CKAP2L: variants seen among roughly 807,000 people sequenced by gnomAD.
CKAP2L encodes the protein cytoskeleton associated protein 2L.
A neutral mutation model predicts 65.7 loss-of-function variants in CKAP2L; 42 were observed. That is an observed-to-expected ratio of 0.64 (90% CI 0.50 to 0.83). The LOEUF is 0.83. Among genes scored for constraint, CKAP2L ranks in the 40% least tolerant of loss-of-function variants. The pLI is 0.00. For missense variants in CKAP2L, 908 were observed against 871.0 expected (o/e 1.04, Z -0.53); for synonymous variants, 325 against 313.5 (o/e 1.04, Z -0.39).
intron 3 of CKAP2L, among the ~76,000 whole-genome samples, chr2:112,759,109 A>T (rs891730796): frequency 1.3e-5 from 2 of 152,210 alleles, no homozygotes; most frequent in African/African-American, 4.8e-5. Context: ...TAACTTTTTT[A>T]GAGCAGGTTT....
Position 112,756,080 on chromosome 2 carries a change from A to C in CKAP2L, c.1291T>G (p.Phe431Val), listed in dbSNP as rs2104882889. 1.2e-6 allele frequency: 2 copies of C among 1,614,138 alleles called. No individual in the cohort carries two copies. The highest frequency in any genetic ancestry group is 1.6e-4 in the Middle Eastern group (1 of 6,062). Residue 431 changes from phenylalanine to valine, a missense_variant, in exon 4 of 9, where the codon TTT (phenylalanine) becomes GTT (valine). Phe to Val is a conservative substitution (Grantham distance 50). Transcript: ENST00000302450. ...KLKKAVPQNH[F>V]LNKTAPKTQA... is the part of the protein sequence containing the mutation. ...GTTTTGGGAGCTGTCTTGTTCAGAA[A>C]ATGGTTCTGGGGAACAGCCTTTTTC...
intron 5 of CKAP2L, among the ~76,000 whole-genome samples, chr2:112,750,705 G>C (rs1032932034): frequency 2.6e-5 from 4 of 151,514 alleles, no homozygotes. Context: ...GATCCTGACT[G>C]ATAAAGAGTA....
In CKAP2L at chr2:112,756,831, T is replaced by C. The variant is rs1377348163; in HGVS notation, c.540A>G (p.Leu180=). Residue 180 remains leucine, a synonymous_variant, in exon 4 of 9, where the codon CTA becomes CTG. Coordinates refer to ENST00000302450, the MANE Select transcript of CKAP2L (RefSeq NM_152515.5). Reference sequence around the variant, plus strand: ...GCAAGTTCTCTTTGTTTGTTTCTTTTAGAAAGTTATCCAAAGATTCGTTTT... The same window carrying C: ...GCAAGTTCTCTTTGTTTGTTTCTTTCAGAAAGTTATCCAAAGATTCGTTTT... The part of the protein sequence containing the change: ...HVENESLDNF[L]KETNKENLLD... 6.2e-7 allele frequency: 1 copy of C among 1,601,974 alleles called. No homozygotes were observed. The highest frequency in any genetic ancestry group is 2.2e-5 in the East Asian group (1 of 44,838).
chr2:112,759,753 C>T (rs1387852197), intron 3 of CKAP2L, among the ~76,000 whole-genome samples: 3 of 152,108 alleles, frequency 2.0e-5, no homozygotes, highest in Non-Finnish European at 4.4e-5. Context: ...ATACATACAA[C>T]ATATATATGT....
rs776441081 is a variant in CKAP2L at position 112,756,551 on chromosome 2, G to A, written c.820C>T (p.Pro274Ser). The A allele has an allele frequency of 1.9e-6, 3 of 1,611,480 alleles. No individual in the cohort carries two copies. In the South Asian group the frequency reaches 3.3e-5, roughly 18 times the overall value. Reference sequence around the variant, plus strand: ...AAGTGAGAGGGAACCGTCCTTGAGGGTTTTACTCCTGGTCTTGCAAGATCT... The same window carrying A: ...AAGTGAGAGGGAACCGTCCTTGAGGATTTTACTCCTGGTCTTGCAAGATCT... ...GADLARPGVK[P>S]SRTVPSHFIR... The change falls in exon 4 of 9, where the codon CCC becomes TCC. Residue 274 changes from proline to serine, a missense_variant. Physicochemically the swap from Pro to Ser is moderately conservative, Grantham distance 74. Transcript: ENST00000302450.
At position 112,757,147 on chromosome 2, in the gene CKAP2L, C is replaced by T. The variant is rs1374216807; in HGVS notation, c.224G>A (p.Ser75Asn). 1 of 1,613,942 alleles carries T rather than the reference C, an allele frequency of 6.2e-7. No individual in the cohort carries two copies. Among genetic ancestry groups the T allele is most frequent in the East Asian group, 2.2e-5 (1 of 44,880 alleles). The change falls in exon 4 of 9, where the codon AGC becomes AAC. Residue 75 changes from serine (S) to asparagine (N), a missense_variant. Physicochemically the swap from Ser to Asn is conservative, Grantham distance 46 (BLOSUM62 1). Coordinates refer to ENST00000302450, the MANE Select transcript of CKAP2L (RefSeq NM_152515.5). ...VLPVKPKRSISIKLQPRPPNT... is the reference protein window; with the variant it reads ...VLPVKPKRSINIKLQPRPPNT... ...AGGTGGTCTGGGCTGGAGTTTAATG[C>T]TGATGGACCTTTTAGGTTTGACAGG... is the stretch of plus-strand genomic sequence containing the variant.
At chr2:112,740,612 G>A (rs1403010723) in intron 8 of CKAP2L, among the ~76,000 whole-genome samples, 1 of 152,110 alleles carries the variant, frequency 6.6e-6, no homozygotes, top group East Asian at 1.9e-4. Flanking sequence ...AGGCAGATAG[G>A]ATCTGCAAGT....
At chr2:112,757,339 G>A in intron 3 of CKAP2L, 125 bp from the exon 4 acceptor site, 1 of 590,182 alleles carries the variant, frequency 1.7e-6, no homozygotes, top group South Asian at 2.6e-5. Flanking sequence ...TAAGAAAGTT[G>A]AATCCTCAGA....
chr2:112,743,393 C>T (rs7609207), intron 6 of CKAP2L, among the ~76,000 whole-genome samples: 2,203 of 152,204 alleles, frequency 0.014, 49 homozygotes, highest in African/African-American at 0.05. Flanking sequence ...CCACCCGCCT[C>T]GGCCTCCCAA....
In CKAP2L at chr2:112,738,052, C is replaced by G. The variant is rs1242702579; in HGVS notation, c.*771G>C. The G allele has an allele frequency of 6.6e-6, 1 of 152,166 alleles. No individual in the cohort carries two copies. The highest frequency in any genetic ancestry group is 1.5e-5 in the Non-Finnish European group (1 of 68,044). The allele number at this position is 152,166 out of a possible 1,614,324, so 9.4% of individuals were successfully genotyped here. ...AACCTACAACAGTCTCTGGGGCTTG[C>G]ACTGCCTTCTCAGGCCAGCTATACC... On this transcript the variant is annotated 3_prime_UTR_variant, in exon 9 of 9. Transcript: ENST00000302450.
intron 5 of CKAP2L, among the ~76,000 whole-genome samples, chr2:112,748,969 GTAT>G (rs991204295): frequency 2.6e-5 from 4 of 151,856 alleles, no homozygotes; most frequent in African/African-American, 9.7e-5. Context: ...TCATTTCAGT[GTAT>G]TATTTTATGA....
At position 112,742,507 on chromosome 2, in the gene CKAP2L, T is replaced by G. The variant is rs1370229217; in HGVS notation, c.1822+199A>C. ...GCTGTTTTGGTGGAAACAACCTTTG[T>G]TCAGTATTGAGTAGTGCATTTACTT... is the stretch of plus-strand genomic sequence containing the variant. On this transcript the variant is annotated intron_variant, in intron 7 of 8. Coordinates refer to ENST00000302450, the MANE Select transcript of CKAP2L (RefSeq NM_152515.5). The G allele has an allele frequency of 1.8e-5, 13 of 718,814 alleles. No individual in the cohort carries two copies. In the South Asian group the frequency reaches 1.9e-4, roughly 11 times the overall value. The allele number at this position is 718,814 out of a possible 1,614,324, so 44.5% of individuals were successfully genotyped here.
At position 112,756,610 on chromosome 2, in the gene CKAP2L, A is replaced by G. The variant is rs1330520491; in HGVS notation, c.761T>C (p.Phe254Ser). Residue 254 changes from phenylalanine (F) to serine (S), a missense_variant, in exon 4 of 9, where the codon TTC becomes TCC. Phe to Ser is a radical substitution (Grantham distance 155). Coordinates refer to ENST00000302450, the MANE Select transcript of CKAP2L (RefSeq NM_152515.5). ...AGAGAGTTGCTGTGATTTTACTGGG[A>G]AAGTCCTGCTTTGTGTTTCTCCAAC... ...QFVGETQSRT[F>S]PVKSQQLSRG... is the part of the protein sequence containing the mutation. The G allele has an allele frequency of 2.5e-6, 4 of 1,613,064 alleles. No homozygotes were observed. Among genetic ancestry groups the G allele is most frequent in the African/African-American group, 1.3e-5 (1 of 74,924 alleles).
chr2:112,750,849 T>C (rs1340457863), intron 5 of CKAP2L, among the ~76,000 whole-genome samples: 2 of 147,694 alleles, frequency 1.4e-5, no homozygotes, highest in African/African-American at 2.5e-5. Context: ...ATTAAAAAGC[T>C]AGGAAAAGAG....
rs753907689 is a variant in CKAP2L at position 112,756,467 on chromosome 2, C to T, written c.904G>A (p.Asp302Asn). 1 of 1,611,784 alleles carries T rather than the reference C, an allele frequency of 6.2e-7. No homozygotes were observed. The highest frequency in any genetic ancestry group is 1.7e-5 in the Admixed American group (1 of 59,508). Residue 302 changes from aspartate to asparagine, a missense_variant, in exon 4 of 9, where the codon GAT (aspartate) becomes AAT (asparagine). Physicochemically the swap from Asp to Asn is conservative, Grantham distance 23. Coordinates refer to ENST00000302450, the MANE Select transcript of CKAP2L (RefSeq NM_152515.5). ...TATTGACTCCTATTAACCTTTATAT[C>T]TTTGATGTTCTTGACTACTGGTTTC... ...SKKPVVKNIK[D>N]IKVNRSQYER... is the part of the protein sequence containing the mutation.
chr2:112,738,446 G>A lies in CKAP2L; in HGVS notation c.*377C>T, dbSNP rs191863798. ...AAAGTTCAGATCTTCCACGATGAAAGAACTTGCCCTCTGCTAAGGTGGATG... is the reference window on the plus strand; with the variant it reads ...AAAGTTCAGATCTTCCACGATGAAAAAACTTGCCCTCTGCTAAGGTGGATG... On this transcript the variant is annotated 3_prime_UTR_variant, in exon 9 of 9. Transcript: ENST00000302450. 3.2e-5 allele frequency: 6 copies of A among 188,300 alleles called. No individual in the cohort carries two copies. The highest frequency in any genetic ancestry group is 1.4e-4 in the African/African-American group (6 of 41,884). 11.7% of individuals were successfully genotyped at this position (188,300 alleles called of 1,614,324 possible).
rs754636699 is a variant in CKAP2L at position 112,756,936 on chromosome 2, C to T, written c.435G>A (p.Glu145=). ...ACTGCTGCTTTGTAGTTTTCAATTG[C>T]TCTATATTAAGTGACCCCACAGGTT... is the stretch of plus-strand genomic sequence containing the variant. The part of the protein sequence containing the change: ...SRKPVGSLNI[E]QLKTTKQQLT... Residue 145 remains glutamate (E), a synonymous_variant, in exon 4 of 9, where the codon GAG becomes GAA. Transcript: ENST00000302450. 8.1e-6 allele frequency: 13 copies of T among 1,614,202 alleles called. No individual in the cohort carries two copies. Among genetic ancestry groups the T allele is most frequent in the Middle Eastern group, 1.6e-4 (1 of 6,062 alleles).
rs1680532240 is a variant in CKAP2L, at chr2:112,756,324, T to C, written c.1047A>G (p.Pro349=). The C allele has an allele frequency of 3.1e-6, 5 of 1,613,874 alleles. No individual in the cohort carries two copies. Among genetic ancestry groups the C allele is most frequent in the Non-Finnish European group, 3.4e-6 (4 of 1,179,858 alleles). ...TGGACTTCTGATCTTGCTTGATGTT[T>C]GGATGTCTGTTGTTATATTCACCCT... ...LLQGEYNNRH[P]NIKQDQKSSQ... Residue 349 remains proline, a synonymous_variant, in exon 4 of 9, where the codon CCA becomes CCG. Transcript: ENST00000302450.
At position 112,754,514 on chromosome 2, in the gene CKAP2L, T is replaced by C. The variant is rs188906019; in HGVS notation, c.1394+1463A>G. 1.6e-4 allele frequency among the ~76,000 whole-genome samples: 25 copies of C among 152,318 alleles called. No homozygotes were observed. In the East Asian group the frequency reaches 4.8e-3, roughly 29 times the overall value. Reference sequence around the variant, plus strand: ...TGAACTTTCCCTTTCTAAAGGCAACTTACTCCTAGGACCTCGATGCCATAA... The same window carrying C: ...TGAACTTTCCCTTTCTAAAGGCAACCTACTCCTAGGACCTCGATGCCATAA... On this transcript the variant is annotated intron_variant, in intron 4 of 8. Transcript: ENST00000302450.
Sources: allele counts gnomAD v4.1 joint callset (sites outside exome capture counted in the v4.1 genomes callset), GRCh38; gene constraint gnomAD v4.1.1; transcripts MANE v1.5; gene names NCBI Gene and HGNC (gene_info 2026-07-23, HGNC 2026-07-21).